The following PRKG1 variants were observed in gnomAD, a reference collection of about 807,000 sequenced individuals.
PRKG1 encodes protein kinase cGMP-dependent 1.
PRKG1 carries 35 observed loss-of-function variants against 88.1 expected under a neutral mutation model. The ratio of observed to expected loss-of-function variants is 0.40; its 90% CI spans 0.30 to 0.53. The LOEUF is 0.53. Ranked by LOEUF, PRKG1 falls within the 20% of genes least tolerant of loss-of-function variation. PRKG1 has a pLI of 0.59. For missense variants in PRKG1, 540 were observed against 839.8 expected (o/e 0.64, Z 4.41); for synonymous variants, 303 against 292.5 (o/e 1.04, Z -0.37).
intron 2 of PRKG1, among the ~76,000 whole-genome samples, chr10:51,434,885 GTCT>G (rs1838874809): frequency 6.6e-6 from 1 of 151,990 alleles, no homozygotes; most frequent in Admixed American, 6.6e-5. Flanking sequence ...AAATATTAAT[GTCT>G]TCATTTCTTA....
intron 2 of PRKG1, among the ~76,000 whole-genome samples, chr10:51,291,274 G>A (rs1194919997): frequency 6.6e-6 from 1 of 152,092 alleles, no homozygotes; most frequent in African/African-American, 2.4e-5. Flanking sequence ...TTAATTTAGT[G>A]GTTTTCCTAC....
chr10:51,699,349 C>A (rs1316868432), intron 3 of PRKG1: 27 of 1,614,024 alleles, frequency 1.7e-5, no homozygotes, highest in Non-Finnish European at 2.3e-5. Context: ...GCGCGGTCTC[C>A]TGGTCTTGGT....
At chr10:51,376,336 C>T (rs1842816149) in intron 2 of PRKG1, among the ~76,000 whole-genome samples, 1 of 152,116 alleles carries the variant, frequency 6.6e-6, no homozygotes, top group African/African-American at 2.4e-5. Flanking sequence ...GTGTCTCTTT[C>T]TCTTTTCTCA....
At chr10:51,833,997 C>T (rs1840066779) in intron 4 of PRKG1, among the ~76,000 whole-genome samples, 1 of 152,080 alleles carries the variant, frequency 6.6e-6, no homozygotes. Flanking sequence ...ATATAATGTC[C>T]TCTAGGTTCA....
At chr10:51,792,558 G>A (rs4500433) in intron 3 of PRKG1, among the ~76,000 whole-genome samples, 5,798 of 152,230 alleles carry the variant, frequency 0.038, 345 homozygotes, top group African/African-American at 0.13. Flanking sequence ...AGGAGTGCAA[G>A]GAGAAAGACT....
chr10:52,137,435 C>T (rs1438721694), intron 8 of PRKG1, among the ~76,000 whole-genome samples: 2 of 151,914 alleles, frequency 1.3e-5, no homozygotes, highest in Admixed American at 1.3e-4. Context: ...AATTAAGTAC[C>T]TTTGGTACCT....
chr10:52,113,179 T>G (rs965060162), intron 7 of PRKG1, among the ~76,000 whole-genome samples: 1 of 152,232 alleles, frequency 6.6e-6, no homozygotes, highest in Non-Finnish European at 1.5e-5. Context: ...ATATTACTTA[T>G]TGTTTACTAA....
chr10:51,395,450 G>A (rs1333643489), intron 2 of PRKG1, among the ~76,000 whole-genome samples: 4 of 152,200 alleles, frequency 2.6e-5, no homozygotes, highest in African/African-American at 4.8e-5. Context: ...TCTTATGCCT[G>A]CCCTGGTTCA....
rs930346876 is a variant in PRKG1, at chr10:52,297,803, G to A, written c.*3903G>A. 19 of 152,130 alleles carry A rather than the reference G, an allele frequency of 1.2e-4. No homozygotes were observed. Among genetic ancestry groups the A allele is most frequent in the South Asian group, 2.1e-4 (1 of 4,832 alleles). The allele number at this position is 152,130 out of a possible 1,614,324, so 9.4% of individuals were successfully genotyped here. On this transcript the variant is annotated 3_prime_UTR_variant, in exon 18 of 18. Coordinates refer to ENST00000373980, the MANE Select transcript of PRKG1 (RefSeq NM_006258.4). ...TGGAAATGACTGCTAACCAGACCTC[G>A]TTATGAAACCAATGATGAAAAAGTC...
chr10:51,518,739 CTG>C (rs1292869353), intron 3 of PRKG1, among the ~76,000 whole-genome samples: 4 of 152,252 alleles, frequency 2.6e-5, no homozygotes, highest in African/African-American at 7.2e-5. Context: ...GAAAATTTAG[CTG>C]TCAGTATCGC....
chr10:52,024,536 G>A (rs1407528934), intron 5 of PRKG1, among the ~76,000 whole-genome samples: 1 of 151,822 alleles, frequency 6.6e-6, no homozygotes, highest in African/African-American at 2.4e-5. Context: ...GTGTCCAAGT[G>A]TTCTCATTGT....
intron 2 of PRKG1, among the ~76,000 whole-genome samples, chr10:51,203,928 A>G (rs754916918): frequency 1.3e-4 from 20 of 152,208 alleles, no homozygotes; most frequent in Non-Finnish European, 2.4e-4. Context: ...GGATGGATGA[A>G]TGAATTTTTG....
At chr10:51,011,195 T>TTGTG (rs112962407) in intron 1 of PRKG1, among the ~76,000 whole-genome samples, 1 of 151,470 alleles carries the variant, frequency 6.6e-6, no homozygotes, top group African/African-American at 2.4e-5. Flanking sequence ...GAATTATTTG[T>TTGTG]TGTGTGTGTG....
intron 2 of PRKG1, among the ~76,000 whole-genome samples, chr10:51,159,736 A>G (rs1030955355): frequency 1.3e-5 from 2 of 152,172 alleles, no homozygotes; most frequent in Non-Finnish European, 2.9e-5. Flanking sequence ...CATAAAATGT[A>G]TTTAAAATAA....
chr10:51,607,484 A>G (rs1046410139), intron 3 of PRKG1, among the ~76,000 whole-genome samples: 15 of 152,300 alleles, frequency 9.8e-5, no homozygotes, highest in Admixed American at 4.6e-4. Context: ...AAAGTTGATG[A>G]CATTTCTCAA....
At chr10:51,282,403 A>G (rs975152364) in intron 2 of PRKG1, among the ~76,000 whole-genome samples, 2 of 152,210 alleles carry the variant, frequency 1.3e-5, no homozygotes, top group Admixed American at 1.3e-4. Context: ...GCATATAATG[A>G]GAACTGAAGT....
chr10:51,933,620 G>GT (rs138778878), intron 5 of PRKG1, among the ~76,000 whole-genome samples: 26,603 of 145,476 alleles, frequency 0.18, 3,062 homozygotes, highest in African/African-American at 0.33. Flanking sequence ...TTTTAGCCAA[G>GT]TTTTTTTTTT....
intron 3 of PRKG1, among the ~76,000 whole-genome samples, chr10:51,501,169 C>T (rs1025874254): frequency 6.6e-6 from 1 of 152,108 alleles, no homozygotes; most frequent in African/African-American, 2.4e-5. Flanking sequence ...AATATGGAAT[C>T]ATATTCAAGT....
intron 3 of PRKG1, among the ~76,000 whole-genome samples, chr10:51,505,536 A>C (rs1322676894): frequency 6.6e-6 from 1 of 152,186 alleles, no homozygotes; most frequent in African/African-American, 2.4e-5. Context: ...GAACAGTTTC[A>C]GAAGGAATGG....
Sources: gnomAD v4.1 joint callset for allele counts (sites outside exome capture counted in the v4.1 genomes callset) on GRCh38, gnomAD v4.1.1 for gene constraint, MANE v1.5 for transcripts, NCBI Gene and HGNC (gene_info 2026-07-23, HGNC 2026-07-21) for gene names.